Variants in SPAG16 observed in about 807,000 individuals in gnomAD.
The protein encoded by SPAG16 is sperm-associated antigen 16 protein.
In SPAG16, 86 loss-of-function variants were observed where a neutral mutation model predicts 80.4. The observed-to-expected ratio is 1.07, with a 90% CI of 0.90 to 1.28. The LOEUF is 1.28. SPAG16 is among the 50% of genes most tolerant of loss of function. SPAG16 has a pLI of 0.00. For missense variants in SPAG16, 870 were observed against 765.3 expected, an observed-to-expected ratio of 1.14 and a Z score of -1.61; for synonymous variants, 294 against 265.9, an observed-to-expected ratio of 1.11 and a Z score of -1.03.
intron 10 of SPAG16, among the ~76,000 whole-genome samples, chr2:213,846,192 A>T (rs986152568): frequency 2.0e-5 from 3 of 152,172 alleles, no homozygotes; most frequent in African/African-American, 7.2e-5. Flanking sequence ...TTTCACATTT[A>T]TCTTTTAGGG....
chr2:213,928,296 G>A (rs956019426), intron 11 of SPAG16, among the ~76,000 whole-genome samples: 2 of 149,818 alleles, frequency 1.3e-5, no homozygotes, highest in Non-Finnish European at 3.0e-5. Flanking sequence ...GTTTCACCAT[G>A]TTAGCCAGGA....
At chr2:213,502,591 GCAAA>G (rs1420621936) in intron 10 of SPAG16, among the ~76,000 whole-genome samples, 1 of 152,194 alleles carries the variant, frequency 6.6e-6, no homozygotes, top group African/African-American at 2.4e-5. Flanking sequence ...TAAGAGATCA[GCAAA>G]CAGTTATGCT....
chr2:213,583,569 G>A (rs1013749210), intron 10 of SPAG16, among the ~76,000 whole-genome samples: 4 of 152,196 alleles, frequency 2.6e-5, no homozygotes, highest in South Asian at 2.1e-4. Context: ...AACATAAAGA[G>A]ATTGTGTTAG....
At chr2:213,948,220 C>T (rs1270273390) in intron 12 of SPAG16, among the ~76,000 whole-genome samples, 1 of 152,156 alleles carries the variant, frequency 6.6e-6, no homozygotes, top group Non-Finnish European at 1.5e-5. Flanking sequence ...GTAATAGCTA[C>T]ACTTTCTTTT....
At chr2:213,580,962 G>T in intron 10 of SPAG16, among the ~76,000 whole-genome samples, 1 of 151,792 alleles carries the variant, frequency 6.6e-6, no homozygotes, top group Admixed American at 6.6e-5. Flanking sequence ...CCTATATTTT[G>T]TTTATGGATT....
In SPAG16 at chr2:213,624,941, C is replaced by T. The variant is rs1330910832; in HGVS notation, c.1070+134851C>T. On this transcript the variant is annotated intron_variant, in intron 10 of 15. Coordinates refer to ENST00000331683, the MANE Select transcript of SPAG16 (RefSeq NM_024532.5). Reference sequence around the variant, plus strand: ...AAGTAGCTGGGATTACAGGCACCTGCCACCATGCCCAGCTAATTTTTGTAT... The same window carrying T: ...AAGTAGCTGGGATTACAGGCACCTGTCACCATGCCCAGCTAATTTTTGTAT... Among the ~76,000 whole-genome samples, 4 of 152,104 alleles carry T rather than the reference C, an allele frequency of 2.6e-5. No individual in the cohort carries two copies. In the East Asian group the frequency reaches 7.7e-4, roughly 29 times the overall value.
intron 9 of SPAG16, among the ~76,000 whole-genome samples, chr2:213,395,831 G>C (rs939703781): frequency 3.3e-5 from 5 of 152,082 alleles, no homozygotes; most frequent in Admixed American, 6.5e-5. Flanking sequence ...CTTCAATTTT[G>C]CTTTACAATT....
At chr2:213,299,437 AT>A (rs11336075) in intron 3 of SPAG16, among the ~76,000 whole-genome samples, 100,028 of 146,724 alleles carry the variant, frequency 0.68, 34,428 homozygotes, top group East Asian at 0.99. Context: ...CACCGAGCTA[AT>A]TTTTTTTTTT....
intron 7 of SPAG16, among the ~76,000 whole-genome samples, chr2:213,356,127 G>T (rs1252700214): frequency 6.6e-6 from 1 of 151,838 alleles, no homozygotes; most frequent in East Asian, 1.9e-4. Flanking sequence ...TAAGCTTTTT[G>T]ATGTGCTGCT....
intron 10 of SPAG16, among the ~76,000 whole-genome samples, chr2:213,648,827 G>T (rs188236186): frequency 6.6e-6 from 1 of 152,292 alleles, no homozygotes; most frequent in East Asian, 1.9e-4. Context: ...CAGGTCACAT[G>T]CTAGTTCTGA....
intron 10 of SPAG16, among the ~76,000 whole-genome samples, chr2:213,792,987 C>T (rs919609051): frequency 6.6e-5 from 10 of 151,802 alleles, no homozygotes; most frequent in Admixed American, 2.0e-4. Flanking sequence ...AGTGCAATGG[C>T]GTGATCTCAC....
chr2:214,187,861 T>A (rs915173973), intron 15 of SPAG16, among the ~76,000 whole-genome samples: 1 of 152,020 alleles, frequency 6.6e-6, no homozygotes, highest in Non-Finnish European at 1.5e-5. Context: ...GGCTCCAAAC[T>A]TTCGGACAAA....
intron 13 of SPAG16, among the ~76,000 whole-genome samples, chr2:214,020,690 G>A (rs1466839368): frequency 1.3e-5 from 2 of 152,092 alleles, no homozygotes; most frequent in Admixed American, 1.3e-4. Context: ...CCAATGTGCA[G>A]GCTGAACTTT....
intron 12 of SPAG16, among the ~76,000 whole-genome samples, chr2:213,977,966 T>C (rs553429854): frequency 1.4e-4 from 19 of 137,116 alleles, no homozygotes; most frequent in Admixed American, 3.0e-4. Context: ...CTTTACCTTC[T>C]TGGAATCTCT....
At chr2:213,347,873 G>A (rs2065086126) in intron 6 of SPAG16, among the ~76,000 whole-genome samples, 1 of 152,164 alleles carries the variant, frequency 6.6e-6, no homozygotes, top group African/African-American at 2.4e-5. Context: ...TTGATTTGGG[G>A]TGGAGAGTTC....
intron 10 of SPAG16, among the ~76,000 whole-genome samples, chr2:213,537,572 G>A (rs1405176098): frequency 1.3e-5 from 2 of 152,094 alleles, no homozygotes; most frequent in African/African-American, 2.4e-5. Context: ...GGAGCAGTGA[G>A]TGGAAGCACT....
At chr2:214,354,290 T>G (rs1698625129) in intron 15 of SPAG16, among the ~76,000 whole-genome samples, 2 of 152,228 alleles carry the variant, frequency 1.3e-5, no homozygotes, top group South Asian at 4.1e-4. Context: ...CTCAGGTTTG[T>G]CAAAGATCAG....
chr2:213,852,395 A>T (rs746316638), intron 10 of SPAG16, among the ~76,000 whole-genome samples: 2 of 152,212 alleles, frequency 1.3e-5, no homozygotes, highest in Admixed American at 6.5e-5. Context: ...AAATGATCTT[A>T]GGAGAAATTT....
chr2:213,399,860 A>G (rs1365600935), intron 9 of SPAG16, among the ~76,000 whole-genome samples: 1 of 152,062 alleles, frequency 6.6e-6, no homozygotes, highest in East Asian at 1.9e-4. Flanking sequence ...ATCAATTTTT[A>G]TAAATTCTGA....
Sources: gnomAD v4.1 joint callset for allele counts (sites outside exome capture counted in the v4.1 genomes callset) on GRCh38, gnomAD v4.1.1 for gene constraint, MANE v1.5 for transcripts, NCBI Gene and HGNC (gene_info 2026-07-23, HGNC 2026-07-21) for gene names.